CYP7B1: variants seen among roughly 807,000 people sequenced by gnomAD.
The protein encoded by CYP7B1 is cytochrome P450 7B1.
Under a neutral mutation model 42.7 loss-of-function variants are expected in CYP7B1, and 29 were observed. The ratio of observed to expected loss-of-function variants is 0.68; its 90% CI spans 0.51 to 0.93. The LOEUF (loss-of-function observed/expected upper bound fraction) is 0.93, where lower values mean the gene tolerates loss of function less well. CYP7B1 is among the 40% of genes least tolerant of loss of function. The pLI is 0.00. For missense variants in CYP7B1, 655 were observed against 600.5 expected (o/e 1.09, Z -0.95); for synonymous variants, 235 against 218.2 (o/e 1.08, Z -0.68).
chr8:64,601,309 T>C (rs957760943), intron 5 of CYP7B1, among the ~76,000 whole-genome samples: 4 of 152,208 alleles, frequency 2.6e-5, no homozygotes, highest in Admixed American at 6.5e-5. Flanking sequence ...AATTACATTG[T>C]TATTTCACCA....
chr8:64,661,402 C>T (rs1375249481), intron 1 of CYP7B1, among the ~76,000 whole-genome samples: 2 of 152,162 alleles, frequency 1.3e-5, no homozygotes, highest in Non-Finnish European at 2.9e-5. Context: ...AGCTCAAGAA[C>T]TTTGGTGCGA....
At chr8:64,788,025 T>G in intron 1 of CYP7B1, among the ~76,000 whole-genome samples, 1 of 152,154 alleles carries the variant, frequency 6.6e-6, no homozygotes, top group East Asian at 1.9e-4. Flanking sequence ...TCCAATCACT[T>G]CCCACTGGGT....
At chr8:64,643,437 G>T (rs189809020) in intron 1 of CYP7B1, among the ~76,000 whole-genome samples, 32 of 152,254 alleles carry the variant, frequency 2.1e-4, no homozygotes, top group Middle Eastern at 3.4e-3. Context: ...GCTAAAGAAT[G>T]CTAAGGATCA....
intron 1 of CYP7B1, among the ~76,000 whole-genome samples, chr8:64,716,286 A>G (rs1402774916): frequency 1.3e-5 from 2 of 152,180 alleles, no homozygotes; most frequent in Non-Finnish European, 2.9e-5. Flanking sequence ...ATGCTTTTTA[A>G]TATCTCTGTT....
chr8:64,727,233 C>G (rs1005455190), intron 1 of CYP7B1, among the ~76,000 whole-genome samples: 5 of 152,274 alleles, frequency 3.3e-5, no homozygotes, highest in African/African-American at 9.6e-5. Flanking sequence ...GCTCTCAATT[C>G]ATTTTCCTTC....
chr8:64,615,937 C>A lies in CYP7B1; in HGVS notation c.604G>T (p.Val202Phe). 1 of 1,613,550 alleles carries A rather than the reference C, an allele frequency of 6.2e-7. No individual in the cohort carries two copies. Among genetic ancestry groups the A allele is most frequent in the Admixed American group, 1.7e-5 (1 of 59,884 alleles). The change falls in exon 3 of 6, where the codon GTT (valine) becomes TTT (phenylalanine). Residue 202 changes from valine (V) to phenylalanine (F), a missense_variant. Transcript: ENST00000310193. ...TFTTIYGKVI[V>F]CDNNKFISEL... ...CTAATAAATTTGTTGTTGTCACAAA[C>A]AATAACTTTTCCATATATAGTTGTA...
rs148406277 is a variant in CYP7B1 at position 64,772,765 on chromosome 8, A to G, written c.122+25701T>C. On this transcript the variant is annotated intron_variant, in intron 1 of 5. Transcript: ENST00000310193. ...TGGATCCCCATTTCATTAGGAATAA[A>G]AATCAAGCCTCACAATGGTCTGATT... Among the ~76,000 whole-genome samples, 864 of 152,298 alleles carry G rather than the reference A, an allele frequency of 5.7e-3. 5 individuals are homozygous for G. Among genetic ancestry groups the G allele is most frequent in the Middle Eastern group, 0.01 (3 of 294 alleles).
chr8:64,655,302 T>C (rs936440108), intron 1 of CYP7B1, among the ~76,000 whole-genome samples: 1 of 152,114 alleles, frequency 6.6e-6, no homozygotes, highest in Admixed American at 6.5e-5. Flanking sequence ...CCAGTATCTA[T>C]AAGAAACAGA....
At chr8:64,673,690 T>C (rs1408116479) in intron 1 of CYP7B1, among the ~76,000 whole-genome samples, 2 of 152,074 alleles carry the variant, frequency 1.3e-5, no homozygotes, top group East Asian at 3.9e-4. Context: ...AGTAAGATAT[T>C]AGCCACCATT....
intron 1 of CYP7B1, among the ~76,000 whole-genome samples, chr8:64,672,095 T>G (rs990940246): frequency 7.9e-5 from 12 of 152,174 alleles, no homozygotes; most frequent in African/African-American, 2.7e-4. Context: ...GTAATTTACA[T>G]AGTATGCACT....
chr8:64,763,385 C>A (rs899726451), intron 1 of CYP7B1, among the ~76,000 whole-genome samples: 1 of 152,182 alleles, frequency 6.6e-6, no homozygotes, highest in African/African-American at 2.4e-5. Context: ...GGTCAGAGAA[C>A]AAAAGGGATG....
chr8:64,698,855 T>A (rs1237873395), intron 1 of CYP7B1, among the ~76,000 whole-genome samples: 1 of 152,186 alleles, frequency 6.6e-6, no homozygotes. Context: ...AAGACTCCTA[T>A]CACATTATGT....
chr8:64,692,725 C>G (rs1806766779), intron 1 of CYP7B1, among the ~76,000 whole-genome samples: 1 of 152,120 alleles, frequency 6.6e-6, no homozygotes, highest in Non-Finnish European at 1.5e-5. Context: ...TTTATGAGAG[C>G]AGATACTCAG....
intron 1 of CYP7B1, among the ~76,000 whole-genome samples, chr8:64,647,652 A>G (rs1486539103): frequency 6.6e-6 from 1 of 152,180 alleles, no homozygotes; most frequent in African/African-American, 2.4e-5. Context: ...GTCCAGAAGC[A>G]GCAGAAGATG....
chr8:64,667,786 C>G (rs1806304155), intron 1 of CYP7B1, among the ~76,000 whole-genome samples: 1 of 152,068 alleles, frequency 6.6e-6, no homozygotes, highest in Admixed American at 6.6e-5. Flanking sequence ...AAGGTCTAGT[C>G]TTCTTTTTTT....
chr8:64,734,768 C>G (rs1807462412), intron 1 of CYP7B1, among the ~76,000 whole-genome samples: 1 of 152,168 alleles, frequency 6.6e-6, no homozygotes, highest in African/African-American at 2.4e-5. Flanking sequence ...TAAAGACACC[C>G]CTTTATTTGC....
chr8:64,652,193 G>A (rs549201294), intron 1 of CYP7B1, among the ~76,000 whole-genome samples: 38 of 152,122 alleles, frequency 2.5e-4, no homozygotes, highest in Non-Finnish European at 3.8e-4. Flanking sequence ...CCAAACTTTC[G>A]TTATTCATAG....
chr8:64,787,347 A>C (rs1804544706), intron 1 of CYP7B1, among the ~76,000 whole-genome samples: 1 of 152,190 alleles, frequency 6.6e-6, no homozygotes, highest in South Asian at 2.1e-4. Flanking sequence ...CAGATACCCT[A>C]GATCATCTCT....
At chr8:64,724,976 C>G (rs545960134) in intron 1 of CYP7B1, among the ~76,000 whole-genome samples, 1 of 152,312 alleles carries the variant, frequency 6.6e-6, no homozygotes, top group Admixed American at 6.5e-5. Context: ...TCCGATAGTA[C>G]GTCATAAGAC....
Sources: allele counts gnomAD v4.1 joint callset (sites outside exome capture counted in the v4.1 genomes callset), GRCh38; gene constraint gnomAD v4.1.1; transcripts MANE v1.5; gene names NCBI Gene and HGNC (gene_info 2026-07-23, HGNC 2026-07-21).